The following MANBAL variants were observed in gnomAD, a reference collection of about 807,000 sequenced individuals.
The protein encoded by MANBAL is protein MANBAL.
Under a neutral mutation model 6.4 loss-of-function variants are expected in MANBAL, and 1 was observed. The observed-to-expected ratio is 0.16, with a 90% CI of 0.06 to 0.74. The LOEUF is 0.74. MANBAL is among the 30% of genes least tolerant of loss of function. The pLI is 0.78. For missense variants in MANBAL, 100 were observed against 107.8 expected, an observed-to-expected ratio of 0.93 and a Z score of 0.32; for synonymous variants, 47 against 45.8, an observed-to-expected ratio of 1.03 and a Z score of -0.10.
At chr20:37,290,714 C>T (rs761650219) in intron 1 of MANBAL, among the ~76,000 whole-genome samples, 31 of 152,204 alleles carry the variant, frequency 2.0e-4, no homozygotes, top group Admixed American at 9.2e-4. Context: ...CCGCCTCGGC[C>T]TCCCAGAGTG....
chr20:37,297,828 A>AC (rs2069033788), intron 1 of MANBAL, among the ~76,000 whole-genome samples: 1 of 151,982 alleles, frequency 6.6e-6, no homozygotes, highest in African/African-American at 2.4e-5. Context: ...TATTTTTATT[A>AC]GAGACGGGGT....
intron 1 of MANBAL, among the ~76,000 whole-genome samples, chr20:37,289,935 A>G (rs1255453578): frequency 6.6e-6 from 1 of 152,248 alleles, no homozygotes; most frequent in African/African-American, 2.4e-5. Flanking sequence ...AGGCTGGGCC[A>G]GAACCCAGGG....
chr20:37,305,325 G>C (rs1426748265), intron 2 of MANBAL, among the ~76,000 whole-genome samples: 2 of 152,112 alleles, frequency 1.3e-5, no homozygotes, highest in African/African-American at 4.8e-5. Flanking sequence ...GTGGCTGTTT[G>C]GAGAGCAGGG....
At position 37,316,548 on chromosome 20, in the gene MANBAL, T is replaced by C; in HGVS notation, c.*133T>C. 3.0e-6 allele frequency: 2 copies of C among 671,846 alleles called. No individual in the cohort carries two copies. Among genetic ancestry groups the C allele is most frequent in the Non-Finnish European group, 5.0e-6 (2 of 400,864 alleles). The allele number at this position is 671,846 out of a possible 1,614,324, so 41.6% of individuals were successfully genotyped here. On this transcript the variant is annotated 3_prime_UTR_variant, in exon 3 of 3. Transcript: ENST00000373606. ...CTGTGACGCCCTATGACCGCAGAGATCTAGACAGTCGTAACAGTCCCCAGG... is the reference window on the plus strand; with the variant it reads ...CTGTGACGCCCTATGACCGCAGAGACCTAGACAGTCGTAACAGTCCCCAGG...
chr20:37,303,454 A>G (rs1006721930), intron 2 of MANBAL, among the ~76,000 whole-genome samples: 1 of 152,198 alleles, frequency 6.6e-6, no homozygotes, highest in African/African-American at 2.4e-5. Context: ...ATGTAAGGTG[A>G]TAGTGTTTCT....
At chr20:37,312,494 G>A (rs1947844942) in intron 2 of MANBAL, among the ~76,000 whole-genome samples, 1 of 152,154 alleles carries the variant, frequency 6.6e-6, no homozygotes, top group Non-Finnish European at 1.5e-5. Flanking sequence ...ACCAGCTAAG[G>A]CCTTAGGCAA....
intron 1 of MANBAL, among the ~76,000 whole-genome samples, chr20:37,300,749 T>A (rs2069114903): frequency 6.6e-6 from 1 of 152,246 alleles, no homozygotes; most frequent in Non-Finnish European, 1.5e-5. Context: ...AAAGAATGGT[T>A]CATTGACTGA....
At position 37,315,710 on chromosome 20, in the gene MANBAL, AAC is replaced by A. The variant is rs776128242; in HGVS notation, c.151-594_151-593del. 3.3e-5 allele frequency among the ~76,000 whole-genome samples: 5 copies of A among 152,330 alleles called. No homozygotes were observed. In the East Asian group the frequency reaches 7.7e-4, roughly 24 times the overall value. On this transcript the variant is annotated intron_variant, in intron 2 of 2. Coordinates refer to ENST00000373606, the MANE Select transcript of MANBAL (RefSeq NM_001003897.2). ...GAGGCACCTCTGACAGGCTCCGCAG[AAC>A]ACAGTGTGGGACTGCCCACCTGCCG...
chr20:37,298,800 A>C (rs997699757), intron 1 of MANBAL: 2 of 151,132 alleles, frequency 1.3e-5, no homozygotes, highest in African/African-American at 4.9e-5. Context: ...CGCAATCACG[A>C]CTCATTGGCT....
At chr20:37,290,720 G>C (rs1255215575) in intron 1 of MANBAL, among the ~76,000 whole-genome samples, 1 of 152,022 alleles carries the variant, frequency 6.6e-6, no homozygotes, top group Non-Finnish European at 1.5e-5. Context: ...CGGCCTCCCA[G>C]AGTGTTGGGA....
chr20:37,310,007 G>T (rs2069345929), intron 2 of MANBAL, among the ~76,000 whole-genome samples: 1 of 152,162 alleles, frequency 6.6e-6, no homozygotes, highest in Non-Finnish European at 1.5e-5. Context: ...GCTTCCACCA[G>T]CCTGTGGTCT....
rs879700353 is a variant in MANBAL at position 37,298,741 on chromosome 20, A to AT, written c.-56-2452dup. On this transcript the variant is annotated intron_variant, in intron 1 of 2. Transcript: ENST00000373606. ...ATCTTGAGTCCTTGCTTTCAATTCA[A>AT]TTTTTTTTTTTTTTTAAACAGGATC... 1,139 of 141,870 alleles carry AT rather than the reference A, an allele frequency of 8.0e-3. 9 individuals carry two copies. Among genetic ancestry groups the AT allele is most frequent in the African/African-American group, 0.02 (761 of 38,756 alleles). The allele number at this position is 141,870 out of a possible 1,614,324, so 8.8% of individuals were successfully genotyped here.
intron 2 of MANBAL, among the ~76,000 whole-genome samples, chr20:37,313,638 G>A (rs111432298): frequency 0.015 from 2,235 of 152,136 alleles, 25 homozygotes; most frequent in Middle Eastern, 0.048. Context: ...CCTGGAAGGC[G>A]GAGGTTGCAA....
chr20:37,313,245 C>T (rs1905515019), intron 2 of MANBAL, among the ~76,000 whole-genome samples: 1 of 152,102 alleles, frequency 6.6e-6, no homozygotes, highest in South Asian at 2.1e-4. Flanking sequence ...GTAGCGGGTG[C>T]CTGTAGCCCC....
At chr20:37,305,209 A>G (rs1568601868) in intron 2 of MANBAL, among the ~76,000 whole-genome samples, 1 of 152,102 alleles carries the variant, frequency 6.6e-6, no homozygotes, top group African/African-American at 2.4e-5. Flanking sequence ...GTGGCATGCT[A>G]TTCGGTATTA....
At chr20:37,302,114 C>T (rs2069151502) in intron 2 of MANBAL, among the ~76,000 whole-genome samples, 2 of 152,188 alleles carry the variant, frequency 1.3e-5, no homozygotes, top group Admixed American at 1.3e-4. Flanking sequence ...ACTATACACC[C>T]TCCTTCTACC....
chr20:37,316,678 C>A lies in MANBAL; in HGVS notation c.*263C>A. 1 of 290,460 alleles carries A rather than the reference C, an allele frequency of 3.4e-6. No homozygotes were observed. Among genetic ancestry groups the A allele is most frequent in the Non-Finnish European group, 6.5e-6 (1 of 153,876 alleles). 18.0% of individuals were successfully genotyped at this position (290,460 alleles called of 1,614,324 possible). The stretch of plus-strand genomic sequence containing the variant: ...GAGCATAGACTGTATTAGGTTTGTT[C>A]AGAAGCCGGGTCAGCTCACAGAGTC... On this transcript the variant is annotated 3_prime_UTR_variant, in exon 3 of 3. Coordinates refer to ENST00000373606, the MANE Select transcript of MANBAL (RefSeq NM_001003897.2).
intron 1 of MANBAL, chr20:37,296,801 G>A (rs2069006789): frequency 6.6e-6 from 1 of 152,086 alleles, no homozygotes; most frequent in Non-Finnish European, 1.5e-5. Context: ...TGTATTATAG[G>A]TATCATTGTT....
chr20:37,314,780 T>C (rs1025605015), intron 2 of MANBAL, among the ~76,000 whole-genome samples: 5 of 152,144 alleles, frequency 3.3e-5, no homozygotes, highest in African/African-American at 1.2e-4. Context: ...GGAGACGATG[T>C]TGGCCGATAG....
Sources: allele counts gnomAD v4.1 joint callset (sites outside exome capture counted in the v4.1 genomes callset), GRCh38; gene constraint gnomAD v4.1.1; transcripts MANE v1.5; gene names NCBI Gene and HGNC (gene_info 2026-07-23, HGNC 2026-07-21).